Variants in ANKS3 observed in about 807,000 individuals in gnomAD.
ANKS3 encodes the protein ankyrin repeat and sterile alpha motif domain containing 3, also known as ankyrin repeat and SAM domain-containing protein 3.
In ANKS3, 62 loss-of-function variants were observed where a neutral mutation model predicts 80.7. The ratio of observed to expected loss-of-function variants is 0.77; its 90% confidence interval spans 0.63 to 0.95. The LOEUF is 0.95. Ranked by LOEUF, ANKS3 falls within the 40% of genes least tolerant of loss-of-function variation. ANKS3 has a pLI of 0.00. For synonymous variants in ANKS3, 489 were observed against 355.3 expected (o/e 1.38, Z -4.23); for missense variants, 1,150 against 883.6 (o/e 1.30, Z -3.82).
chr16:4,702,023 A>C, intron 9 of ANKS3, 79 bp downstream of exon 9: 1 of 1,469,412 alleles, frequency 6.8e-7, no homozygotes, highest in Non-Finnish European at 9.0e-7. Context: ...CGCCAGGCCC[A>C]GGGGATAAGT....
chr16:4,731,881 G>C (rs937590948), intron 1 of ANKS3, among the ~76,000 whole-genome samples: 2 of 152,160 alleles, frequency 1.3e-5, no homozygotes, highest in African/African-American at 4.8e-5. Context: ...AAGGTCATCA[G>C]CTTCCTAGTA....
At chr16:4,730,178 T>C in intron 2 of ANKS3, 27 bp from the exon 3 acceptor site, 1 of 1,468,280 alleles carries the variant, frequency 6.8e-7, no homozygotes, top group Non-Finnish European at 9.1e-7. Flanking sequence ...AAGGGTTAGA[T>C]CTTTCCTGGC....
At chr16:4,728,329 C>T (rs527436133) in intron 3 of ANKS3, among the ~76,000 whole-genome samples, 1 of 152,148 alleles carries the variant, frequency 6.6e-6, no homozygotes, top group Non-Finnish European at 1.5e-5. Flanking sequence ...CAGGCGTGAG[C>T]CACCGCGCCC....
At chr16:4,703,876 CAT>C (rs78958044) in intron 8 of ANKS3, among the ~76,000 whole-genome samples, 71,446 of 151,830 alleles carry the variant, frequency 0.47, 17,211 homozygotes, top group East Asian at 0.64. Context: ...CGGCTTCAGA[CAT>C]GTATGATTTT....
intron 11 of ANKS3, chr16:4,699,948 A>G (rs1275247808): frequency 6.6e-6 from 1 of 152,314 alleles, no homozygotes; most frequent in Non-Finnish European, 1.5e-5. Flanking sequence ...TCTTCAAGCT[A>G]TTTTCTGAAA....
chr16:4,700,984 A>C lies in ANKS3; in HGVS notation c.1270T>G (p.Tyr424Asp). 12 of 1,613,890 alleles carry C rather than the reference A, an allele frequency of 7.4e-6. No homozygotes were observed. Among genetic ancestry groups the C allele is most frequent in the Non-Finnish European group, 1.0e-5 (12 of 1,179,972 alleles). Residue 424 changes from tyrosine to aspartate, a missense_variant, in exon 11 of 18, where the codon TAC becomes GAC. Tyr to Asp is a radical substitution (Grantham distance 160). Coordinates refer to ENST00000304283, the MANE Select transcript of ANKS3 (RefSeq NM_133450.4). The stretch of plus-strand genomic sequence containing the variant: ...AGCGGTCTTACCTGGGGTCCTGAGT[A>C]GGGGGCCCTCTGAGTCTGGGGGCTG... ...ESSPQTQRAPYSGPQDLAALL... is the reference protein window; with the variant it reads ...ESSPQTQRAPDSGPQDLAALL...
Position 4,698,460 on chromosome 16 carries a change from G to T in ANKS3, c.1691C>A (p.Ala564Asp), listed in dbSNP as rs1046449584. Residue 564 changes from alanine to aspartate, a missense_variant, in exon 14 of 18, where the codon GCC (alanine) becomes GAC (aspartate). Transcript: ENST00000304283. Reference protein sequence around the residue: ...QARLRETWALARDAALVLDQL... With the variant: ...QARLRETWALDRDAALVLDQL... ...GTCCAGGACGAGGGCAGCATCCCGGGCCAGGGCCCACGTCTCCCGCAGCCG... is the reference window on the plus strand; with the variant it reads ...GTCCAGGACGAGGGCAGCATCCCGGTCCAGGGCCCACGTCTCCCGCAGCCG... 1.3e-6 allele frequency: 2 copies of T among 1,542,026 alleles called. No homozygotes were observed. The highest frequency in any genetic ancestry group is 3.8e-5 in the Admixed American group (2 of 52,438).
Position 4,697,381 on chromosome 16 carries a change from T to C in ANKS3, c.1846A>G (p.Ser616Gly). 6.2e-7 allele frequency: 1 copy of C among 1,610,372 alleles called. No individual in the cohort carries two copies. Among genetic ancestry groups the C allele is most frequent in the Non-Finnish European group, 8.5e-7 (1 of 1,178,550 alleles). Reference sequence around the variant, plus strand: ...AGGGCTCCCGAGAGCTCGGGGAGGCTCATGGCCTGCAGGGACGCTTGCCAG... The same window carrying C: ...AGGGCTCCCGAGAGCTCGGGGAGGCCCATGGCCTGCAGGGACGCTTGCCAG... ...KGWQASLQAM[S>G]LPELSGALED... is the part of the protein sequence containing the mutation. Residue 616 changes from serine (S) to glycine (G), a missense_variant, in exon 16 of 18, where the codon AGC becomes GGC. Ser to Gly is a moderately conservative substitution (Grantham distance 56). Coordinates refer to ENST00000304283, the MANE Select transcript of ANKS3 (RefSeq NM_133450.4).
chr16:4,724,139 G>C (rs985328031), intron 6 of ANKS3, among the ~76,000 whole-genome samples: 13 of 152,146 alleles, frequency 8.5e-5, no homozygotes, highest in African/African-American at 2.9e-4. Context: ...TGTGTAAAAG[G>C]ATATTCCCGG....
intron 6 of ANKS3, among the ~76,000 whole-genome samples, chr16:4,718,415 C>T (rs1362560079): frequency 1.3e-5 from 2 of 152,226 alleles, no homozygotes; most frequent in Non-Finnish European, 2.9e-5. Context: ...CCAGACAGAT[C>T]CATATCCTCT....
chr16:4,698,508 C>G lies in ANKS3; in HGVS notation c.1643G>C (p.Arg548Pro). 6.4e-7 allele frequency: 1 copy of G among 1,562,092 alleles called. No homozygotes were observed. The highest frequency in any genetic ancestry group is 8.6e-7 in the Non-Finnish European group (1 of 1,161,848). Residue 548 changes from arginine to proline, a missense_variant, in exon 14 of 18, where the codon CGC becomes CCC. Coordinates refer to ENST00000304283, the MANE Select transcript of ANKS3 (RefSeq NM_133450.4). ...VVESCLLEQD[R>P]AREDLQARLR... ...CCGGGCCTGGAGGTCCTCGCGGGCG[C>G]GGTCCTGCTCCAGCAGGCAGCTCTC...
chr16:4,722,803 A>G (rs1483126075), intron 6 of ANKS3, among the ~76,000 whole-genome samples: 1 of 151,432 alleles, frequency 6.6e-6, no homozygotes, highest in Non-Finnish European at 1.5e-5. Context: ...CTGCAGTCCC[A>G]GCTACTCGGG....
intron 5 of ANKS3, 45 bp from the exon 6 acceptor site, chr16:4,724,876 C>A (rs747653531): frequency 6.3e-7 from 1 of 1,592,462 alleles, no homozygotes; most frequent in Non-Finnish European, 8.6e-7. Flanking sequence ...GAGACAAGTT[C>A]CGCCAGGCAA....
intron 6 of ANKS3, among the ~76,000 whole-genome samples, chr16:4,715,764 C>A (rs1477218884): frequency 1.3e-5 from 2 of 149,376 alleles, no homozygotes; most frequent in African/African-American, 2.5e-5. Context: ...ATTTTCCAAT[C>A]TTCTATGTTT....
At position 4,701,444 on chromosome 16, in the gene ANKS3, T is replaced by C; in HGVS notation, c.1109A>G (p.Glu370Gly). The change falls in exon 10 of 18, where the codon GAG becomes GGG. Residue 370 changes from glutamate to glycine, a missense_variant. By Grantham distance (98) the Glu-to-Gly change is moderately conservative. Coordinates refer to ENST00000304283, the MANE Select transcript of ANKS3 (RefSeq NM_133450.4). The part of the protein sequence containing the change: ...AQGLSSEASV[E>G]SNEDSDHACK... ...AGAAAGAATCCGTACCTCGTTGCTC[T>C]CCACAGAAGCTTCGCTGCTGAGCCC... 6 of 1,601,884 alleles carry C rather than the reference T, an allele frequency of 3.7e-6. No individual in the cohort carries two copies. The highest frequency in any genetic ancestry group is 5.1e-6 in the Non-Finnish European group (6 of 1,172,532).
At chr16:4,715,024 G>A (rs192856006) in intron 6 of ANKS3, among the ~76,000 whole-genome samples, 55 of 140,002 alleles carry the variant, frequency 3.9e-4, no homozygotes, top group African/African-American at 1.4e-3. Flanking sequence ...AAGGATGTTT[G>A]GCACAGCATA....
intron 6 of ANKS3, among the ~76,000 whole-genome samples, chr16:4,718,149 G>A (rs2080900865): frequency 6.7e-6 from 1 of 149,446 alleles, no homozygotes. Flanking sequence ...TCCAACTCCA[G>A]CCTCAAGCGA....
Position 4,705,684 on chromosome 16 carries a change from G to T in ANKS3, c.710-431C>A, listed in dbSNP as rs192059279. Reference sequence around the variant, plus strand: ...AGGCTTTTGCCATGTTGGCCAGGCTGGTCTCAAACTCCTGATCTGCCTGCC... The same window carrying T: ...AGGCTTTTGCCATGTTGGCCAGGCTTGTCTCAAACTCCTGATCTGCCTGCC... On this transcript the variant is annotated intron_variant, in intron 7 of 17. Coordinates refer to ENST00000304283, the MANE Select transcript of ANKS3 (RefSeq NM_133450.4). 2.1e-3 allele frequency among the ~76,000 whole-genome samples: 317 copies of T among 151,672 alleles called. 1 individual carries two copies. Among genetic ancestry groups the T allele is most frequent in the African/African-American group, 7.4e-3 (307 of 41,350 alleles).
intron 7 of ANKS3, among the ~76,000 whole-genome samples, chr16:4,710,006 G>A (rs916707439): frequency 6.6e-6 from 1 of 152,098 alleles, no homozygotes; most frequent in Non-Finnish European, 1.5e-5. Flanking sequence ...GCGAGAACCT[G>A]TCTCAAAAAC....
Sources: allele counts gnomAD v4.1 joint callset (sites outside exome capture counted in the v4.1 genomes callset), GRCh38; gene constraint gnomAD v4.1.1; transcripts MANE v1.5; gene names NCBI Gene and HGNC (gene_info 2026-07-23, HGNC 2026-07-21).